Variants in SOCS6 observed in about 807,000 individuals in gnomAD.
The protein encoded by SOCS6 is STAT induced STAT inhibitor-4.
A neutral mutation model predicts 27.7 loss-of-function variants in SOCS6; 5 were observed. The ratio of observed to expected loss-of-function variants is 0.18; its 90% confidence interval spans 0.09 to 0.38. The LOEUF is 0.38. Among genes scored for constraint, SOCS6 ranks in the 10% least tolerant of loss-of-function variants. The pLI is 1.00. For synonymous variants in SOCS6, 271 were observed against 260.0 expected (o/e 1.04, Z -0.41); for missense variants, 595 against 688.1 (o/e 0.86, Z 1.51).
chr18:70,310,470 T>G (rs913801072), intron 1 of SOCS6, among the ~76,000 whole-genome samples: 12 of 132,694 alleles, frequency 9.0e-5, no homozygotes, highest in South Asian at 6.7e-4. Context: ...TTTGTGGGGT[T>G]TTTTTTTTTT....
At chr18:70,318,785 A>C (rs1910867300) in intron 1 of SOCS6, among the ~76,000 whole-genome samples, 1 of 152,048 alleles carries the variant, frequency 6.6e-6, no homozygotes, top group Non-Finnish European at 1.5e-5. Flanking sequence ...AAAATAGAAT[A>C]ATTAGCCAGG....
intron 1 of SOCS6, among the ~76,000 whole-genome samples, chr18:70,317,554 T>TACACACAC (rs369682234): frequency 3.6e-4 from 50 of 139,116 alleles, no homozygotes; most frequent in African/African-American, 8.3e-4. Context: ...CATATATACA[T>TACACACAC]ACACACACAC....
chr18:70,317,173 C>T (rs1479486636), intron 1 of SOCS6, among the ~76,000 whole-genome samples: 1 of 152,130 alleles, frequency 6.6e-6, no homozygotes, highest in East Asian at 1.9e-4. Context: ...GTACATTGTA[C>T]CGAGTGTGTA....
intron 1 of SOCS6, among the ~76,000 whole-genome samples, chr18:70,319,608 T>TAAAAAAAAAAAAAAAAAAAAAAAA (rs34494275): frequency 1.6e-5 from 2 of 126,348 alleles, no homozygotes; most frequent in South Asian, 2.5e-4. Context: ...AGCACTTCAG[T>TAAAAAAAAAAAAAAAAAAAAAAAA]AAAAAAAAAA....
chr18:70,327,547 T>C lies in SOCS6; in HGVS notation c.*1271T>C, dbSNP rs545528328. The C allele has an allele frequency of 6.0e-6, 1 of 166,964 alleles. No individual in the cohort carries two copies. The highest frequency in any genetic ancestry group is 2.1e-4 in the South Asian group (1 of 4,834). The allele number at this position is 166,964 out of a possible 1,614,324, so 10.3% of individuals were successfully genotyped here. ...CCATTTAAAAATAGGTTTTTAAAATTTAGCTAAGTCTTAAGTAATTTGCCG... is the reference window on the plus strand; with the variant it reads ...CCATTTAAAAATAGGTTTTTAAAATCTAGCTAAGTCTTAAGTAATTTGCCG... On this transcript the variant is annotated 3_prime_UTR_variant, in exon 2 of 2. Transcript: ENST00000397942.
Position 70,298,899 on chromosome 18 carries a change from C to T in SOCS6, c.-127+9809C>T, listed in dbSNP as rs532826145. The stretch of plus-strand genomic sequence containing the variant: ...CAACACTTTGGGAGGCCGAGGTGGG[C>T]GGATCACTTGAGGTCAGGAGTTCGA... On this transcript the variant is annotated intron_variant, in intron 1 of 1. Transcript: ENST00000397942. Among the ~76,000 whole-genome samples, 18 of 152,144 alleles carry T rather than the reference C, an allele frequency of 1.2e-4. No individual in the cohort carries two copies. In the East Asian group the frequency reaches 2.9e-3, roughly 25 times the overall value.
rs187076160 is a variant in SOCS6 at position 70,327,376 on chromosome 18, C to T, written c.*1100C>T. ...ACTATAAAAGTGTGCTGGATTTGACCAATCCTTACCCCCACTATAAAGAGA... is the reference window on the plus strand; with the variant it reads ...ACTATAAAAGTGTGCTGGATTTGACTAATCCTTACCCCCACTATAAAGAGA... On this transcript the variant is annotated 3_prime_UTR_variant, in exon 2 of 2. Transcript: ENST00000397942. 4.1e-4 allele frequency: 69 copies of T among 166,566 alleles called. No homozygotes were observed. Among genetic ancestry groups the T allele is most frequent in the Non-Finnish European group, 7.4e-4 (50 of 67,960 alleles). 10.3% of individuals were successfully genotyped at this position (166,566 alleles called of 1,614,324 possible).
In SOCS6 at chr18:70,324,822, G is replaced by C. The variant is rs756872913; in HGVS notation, c.154G>C (p.Ala52Pro). ...LFGSCYGKDM[A>P]SCDINGEDEK... ...TGGTAGCTGCTATGGTAAAGATATG[G>C]CCAGCTGCGATATCAACGGTGAAGA... The change falls in exon 2 of 2, where the codon GCC becomes CCC. Residue 52 changes from alanine to proline, a missense_variant. Ala to Pro is a conservative substitution (Grantham distance 27, BLOSUM62 -1). Coordinates refer to ENST00000397942, the MANE Select transcript of SOCS6 (RefSeq NM_004232.4). The C allele has an allele frequency of 6.2e-7, 1 of 1,614,166 alleles. No individual in the cohort carries two copies. Among genetic ancestry groups the C allele is most frequent in the African/African-American group, 1.3e-5 (1 of 75,042 alleles).
chr18:70,314,625 G>A (rs7242186), intron 1 of SOCS6, among the ~76,000 whole-genome samples: 113,239 of 152,012 alleles, frequency 0.74, 42,501 homozygotes, highest in East Asian at 0.93. Context: ...TGTTTGCTCA[G>A]TGACAAAATC....
At chr18:70,315,406 G>A (rs1053830656) in intron 1 of SOCS6, among the ~76,000 whole-genome samples, 2 of 152,154 alleles carry the variant, frequency 1.3e-5, no homozygotes, top group African/African-American at 2.4e-5. Context: ...TGCAAATTTT[G>A]ATGATATATA....
chr18:70,324,862 A>T lies in SOCS6; in HGVS notation c.194A>T (p.Lys65Ile), dbSNP rs370251524. The change falls in exon 2 of 2, where the codon AAA (lysine) becomes ATA (isoleucine). Residue 65 changes from lysine to isoleucine, a missense_variant. Lys to Ile is a moderately radical substitution (Grantham distance 102). Coordinates refer to ENST00000397942, the MANE Select transcript of SOCS6 (RefSeq NM_004232.4). ...AACGGTGAAGATGAAAAAGGCGGAA[A>T]AAACAGATCAAAAAGCGAGAGCCTG... is the stretch of plus-strand genomic sequence containing the variant. ...DINGEDEKGG[K>I]NRSKSESLMG... 14 of 1,614,102 alleles carry T rather than the reference A, an allele frequency of 8.7e-6. No individual in the cohort carries two copies. The highest frequency in any genetic ancestry group is 1.7e-5 in the Admixed American group (1 of 60,006).
At position 70,329,644 on chromosome 18, in the gene SOCS6, A is replaced by G. The variant is rs780896487; in HGVS notation, c.*3368A>G. The G allele has an allele frequency of 2.4e-4, 40 of 167,126 alleles. No homozygotes were observed. The highest frequency in any genetic ancestry group is 3.7e-4 in the Non-Finnish European group (25 of 68,122). 10.4% of individuals were successfully genotyped at this position (167,126 alleles called of 1,614,324 possible). A position where few individuals can be genotyped will look rare whatever the true frequency, so the allele number is the denominator to read the frequency against. Reference sequence around the variant, plus strand: ...TCAAAATGAAATCACACTACCAGCAATAGACAGTTTTCTTGAAAACTCTAA... The same window carrying G: ...TCAAAATGAAATCACACTACCAGCAGTAGACAGTTTTCTTGAAAACTCTAA... On this transcript the variant is annotated 3_prime_UTR_variant, in exon 2 of 2. Coordinates refer to ENST00000397942, the MANE Select transcript of SOCS6 (RefSeq NM_004232.4).
rs1455847482 is a variant in SOCS6 at position 70,327,347 on chromosome 18, A to T, written c.*1071A>T. 1.2e-5 allele frequency: 2 copies of T among 166,808 alleles called. No homozygotes were observed. The highest frequency in any genetic ancestry group is 2.9e-5 in the Non-Finnish European group (2 of 68,080). 10.3% of individuals were successfully genotyped at this position (166,808 alleles called of 1,614,324 possible). On this transcript the variant is annotated 3_prime_UTR_variant, in exon 2 of 2. Transcript: ENST00000397942. ...TTGGATTTATATTTTTCTTCTATGT[A>T]GTTACTATAAAAGTGTGCTGGATTT...
intron 1 of SOCS6, among the ~76,000 whole-genome samples, chr18:70,292,088 A>G (rs1197819490): frequency 6.6e-6 from 1 of 152,188 alleles, no homozygotes; most frequent in African/African-American, 2.4e-5. Flanking sequence ...TACAAACCTT[A>G]CATTTTACTT....
At position 70,324,914 on chromosome 18, in the gene SOCS6, T is replaced by C. The variant is rs758946394; in HGVS notation, c.246T>C (p.Ser82=). ...SLMGTLKRRL[S]AKQKSKGKAG... ...TGGGTACGCTAAAAAGGCGGCTTTC[T>C]GCAAAACAGAAGTCAAAAGGCAAGG... Residue 82 remains serine, a synonymous_variant, in exon 2 of 2, where the codon TCT becomes TCC. Transcript: ENST00000397942. The C allele has an allele frequency of 6.2e-7, 1 of 1,614,178 alleles. No individual in the cohort carries two copies. The highest frequency in any genetic ancestry group is 1.1e-5 in the South Asian group (1 of 91,082).
intron 1 of SOCS6, among the ~76,000 whole-genome samples, chr18:70,299,386 AAG>A (rs2062338196): frequency 6.6e-6 from 1 of 152,194 alleles, no homozygotes; most frequent in African/African-American, 2.4e-5. Flanking sequence ...AGCCCAGTAG[AAG>A]AGGTGCACGG....
In SOCS6 at chr18:70,326,317, C is replaced by T; in HGVS notation, c.*41C>T. 1 of 1,495,490 alleles carries T rather than the reference C, an allele frequency of 6.7e-7. No individual in the cohort carries two copies. Among genetic ancestry groups the T allele is most frequent in the Non-Finnish European group, 9.1e-7 (1 of 1,101,688 alleles). The allele number at this position is 1,495,490 out of a possible 1,614,324, so 92.6% of individuals were successfully genotyped here. A position where few individuals can be genotyped will look rare whatever the true frequency, so the allele number is the denominator to read the frequency against. The stretch of plus-strand genomic sequence containing the variant: ...GCATCTTGCACTTTGGGAATAAGAA[C>T]AAGAGATTGAAATACAGTTTACAAA... On this transcript the variant is annotated 3_prime_UTR_variant, in exon 2 of 2. Transcript: ENST00000397942.
At chr18:70,305,775 G>A (rs1420326057) in intron 1 of SOCS6, among the ~76,000 whole-genome samples, 1 of 152,140 alleles carries the variant, frequency 6.6e-6, no homozygotes, top group African/African-American at 2.4e-5. Flanking sequence ...TACTACATGT[G>A]TTAAATTTAT....
chr18:70,315,002 G>T (rs1204495695), intron 1 of SOCS6, among the ~76,000 whole-genome samples: 1 of 151,730 alleles, frequency 6.6e-6, no homozygotes, highest in Non-Finnish European at 1.5e-5. Flanking sequence ...TTGATCTAAG[G>T]TAATATATAT....
Sources: allele counts gnomAD v4.1 joint callset (sites outside exome capture counted in the v4.1 genomes callset), GRCh38; gene constraint gnomAD v4.1.1; transcripts MANE v1.5; gene names NCBI Gene and HGNC (gene_info 2026-07-23, HGNC 2026-07-21).